The following NCEH1 variants were observed in gnomAD, a reference collection of about 807,000 sequenced individuals.
The protein encoded by NCEH1 is neutral cholesterol ester hydrolase 1.
In NCEH1, 9 loss-of-function variants were observed where a neutral mutation model predicts 25.4. The ratio of observed to expected loss-of-function variants is 0.35; its 90% CI spans 0.21 to 0.62. The LOEUF (loss-of-function observed/expected upper bound fraction) is 0.62, where lower values mean the gene tolerates loss of function less well. Ranked by LOEUF, NCEH1 falls within the 20% of genes least tolerant of loss-of-function variation. NCEH1 has a pLI of 0.72. For synonymous variants in NCEH1, 200 were observed against 199.8 expected, an observed-to-expected ratio of 1.00 and a Z score of -0.01; for missense variants, 412 against 501.1, an observed-to-expected ratio of 0.82 and a Z score of 1.70.
At chr3:172,678,453 G>A (rs1712139600) in intron 1 of NCEH1, among the ~76,000 whole-genome samples, 1 of 152,174 alleles carries the variant, frequency 6.6e-6, no homozygotes, top group African/African-American at 2.4e-5. Context: ...GCAGCTTCTT[G>A]TTTTAACGGA....
chr3:172,657,530 G>A (rs866339249), intron 1 of NCEH1, among the ~76,000 whole-genome samples: 4 of 151,972 alleles, frequency 2.6e-5, no homozygotes, highest in Admixed American at 6.6e-5. Context: ...CTCCACCCCC[G>A]CTCTCGTTGC....
At chr3:172,656,148 C>T (rs1330796876) in intron 1 of NCEH1, among the ~76,000 whole-genome samples, 4 of 152,154 alleles carry the variant, frequency 2.6e-5, no homozygotes, top group Middle Eastern at 3.4e-3. Context: ...GCAAAGTGAG[C>T]AGGAGTTGAA....
Position 172,633,846 on chromosome 3 carries a change from G to A in NCEH1, c.856C>T (p.Leu286=). 6.8e-6 allele frequency: 11 copies of A among 1,614,226 alleles called. No homozygotes were observed. The highest frequency in any genetic ancestry group is 9.3e-6 in the Non-Finnish European group (11 of 1,180,034). ...VEEAAAVRAR[L]NWTSLLPASF... is the part of the protein sequence containing the mutation. ...GCAGGCAAGAGGGATGTCCAGTTTAGACGGGCCCTGACAGCAGCAGCCTCT... is the reference window on the plus strand; with the variant it reads ...GCAGGCAAGAGGGATGTCCAGTTTAAACGGGCCCTGACAGCAGCAGCCTCT... The change falls in exon 5 of 5, where the codon CTA becomes TTA. Residue 286 remains leucine, a synonymous_variant. Coordinates refer to ENST00000475381, the MANE Select transcript of NCEH1 (RefSeq NM_020792.6).
At chr3:172,641,618 A>T (rs1489816759) in intron 3 of NCEH1, among the ~76,000 whole-genome samples, 1 of 152,250 alleles carries the variant, frequency 6.6e-6, no homozygotes, top group African/African-American at 2.4e-5. Flanking sequence ...GTCTTCTAGA[A>T]GGCGGAGCTC....
At chr3:172,688,244 C>T (rs766780971) in intron 1 of NCEH1, among the ~76,000 whole-genome samples, 2 of 146,902 alleles carry the variant, frequency 1.4e-5, no homozygotes, top group Admixed American at 7.0e-5. Context: ...GCACAAGAAT[C>T]GCTTGAATCT....
At chr3:172,673,058 A>C (rs975359088) in intron 1 of NCEH1, among the ~76,000 whole-genome samples, 4 of 152,206 alleles carry the variant, frequency 2.6e-5, no homozygotes, top group Non-Finnish European at 5.9e-5. Context: ...AAAAGGAAGC[A>C]GACCTCCTTC....
At chr3:172,636,739 C>T (rs1255034709) in intron 3 of NCEH1, among the ~76,000 whole-genome samples, 2 of 152,230 alleles carry the variant, frequency 1.3e-5, no homozygotes, top group Non-Finnish European at 2.9e-5. Flanking sequence ...ACTGGCCCCA[C>T]TTCGCAAGAT....
chr3:172,664,899 C>T (rs555260307), intron 1 of NCEH1, among the ~76,000 whole-genome samples: 2 of 152,216 alleles, frequency 1.3e-5, no homozygotes, highest in East Asian at 3.9e-4. Flanking sequence ...GTGATGGGTT[C>T]GAACATCCTC....
chr3:172,656,289 G>C (rs1295421353), intron 1 of NCEH1, among the ~76,000 whole-genome samples: 1 of 152,228 alleles, frequency 6.6e-6, no homozygotes, highest in East Asian at 1.9e-4. Context: ...CAAAGTTACA[G>C]AAGTAAAAGG....
At chr3:172,650,123 G>C (rs768336844) in intron 1 of NCEH1, among the ~76,000 whole-genome samples, 1 of 152,122 alleles carries the variant, frequency 6.6e-6, no homozygotes, top group East Asian at 1.9e-4. Context: ...CTTATGTTTC[G>C]CTTGCATTCA....
At chr3:172,677,321 G>A (rs550601134) in intron 1 of NCEH1, among the ~76,000 whole-genome samples, 2 of 152,270 alleles carry the variant, frequency 1.3e-5, no homozygotes, top group South Asian at 4.1e-4. Context: ...AAGATACAAG[G>A]GGAATGATGT....
chr3:172,658,917 C>G (rs1717836453), intron 1 of NCEH1, among the ~76,000 whole-genome samples: 1 of 131,512 alleles, frequency 7.6e-6, no homozygotes, highest in Non-Finnish European at 1.5e-5. Context: ...AAAATACTGG[C>G]TTAGCTCCAA....
intron 4 of NCEH1, 29 bp downstream of exon 4, chr3:172,635,887 C>G: frequency 6.2e-7 from 1 of 1,606,986 alleles, no homozygotes; most frequent in Non-Finnish European, 8.5e-7. Flanking sequence ...ACCGCTTAAC[C>G]CACCAGCACC....
At position 172,668,192 on chromosome 3, in the gene NCEH1, G is replaced by A. The variant is rs552626990; in HGVS notation, c.139-20078C>T. On this transcript the variant is annotated intron_variant, in intron 1 of 4. Coordinates refer to ENST00000475381, the MANE Select transcript of NCEH1 (RefSeq NM_020792.6). ...AAGCAGCAGATAATTTCAGAGATGA[G>A]CAATATATCTCCTATAATACACCAA... 2.2e-4 allele frequency among the ~76,000 whole-genome samples: 33 copies of A among 152,154 alleles called. No individual in the cohort carries two copies. In the South Asian group the frequency reaches 4.8e-3, roughly 22 times the overall value.
At chr3:172,682,278 C>T (rs4894578) in intron 1 of NCEH1, among the ~76,000 whole-genome samples, 52,199 of 152,006 alleles carry the variant, frequency 0.34, 9,231 homozygotes, top group South Asian at 0.4. Context: ...TTAACCCTAG[C>T]CCTGGGAAGG....
At chr3:172,685,654 CT>C (rs1306590986) in intron 1 of NCEH1, among the ~76,000 whole-genome samples, 3 of 151,688 alleles carry the variant, frequency 2.0e-5, no homozygotes, top group Non-Finnish European at 4.4e-5. Flanking sequence ...GCAACCCTAA[CT>C]TTTTTTTTCT....
chr3:172,697,944 A>G (rs1475935683), intron 1 of NCEH1, among the ~76,000 whole-genome samples: 1 of 152,028 alleles, frequency 6.6e-6, no homozygotes, highest in Non-Finnish European at 1.5e-5. Context: ...CTTATTGTTA[A>G]AAGCTGATCA....
intron 4 of NCEH1, 145 bp downstream of exon 4, chr3:172,635,771 C>G: frequency 1.5e-6 from 1 of 662,434 alleles, no homozygotes; most frequent in Non-Finnish European, 2.6e-6. Flanking sequence ...GAGAGCTCTA[C>G]AAGTGTAATC....
intron 3 of NCEH1, among the ~76,000 whole-genome samples, chr3:172,643,482 C>T (rs991524874): frequency 7.9e-5 from 12 of 152,220 alleles, no homozygotes; most frequent in African/African-American, 2.4e-4. Context: ...CTGCCATATG[C>T]TCATGCCTCC....
Sources: gnomAD v4.1 joint callset for allele counts (sites outside exome capture counted in the v4.1 genomes callset) on GRCh38, gnomAD v4.1.1 for gene constraint, MANE v1.5 for transcripts, NCBI Gene and HGNC (gene_info 2026-07-23, HGNC 2026-07-21) for gene names.